The following MAST4 variants were observed in gnomAD, a reference collection of about 807,000 sequenced individuals.
MAST4 encodes microtubule-associated serine/threonine-protein kinase 4.
In MAST4, 89 loss-of-function variants were observed where a neutral mutation model predicts 162.7. The ratio of observed to expected loss-of-function variants is 0.55; its 90% CI spans 0.46 to 0.65. MAST4 has a LOEUF of 0.65. Ranked by LOEUF, MAST4 falls within the 30% of genes least tolerant of loss-of-function variation. MAST4 has a pLI of 0.00. For synonymous variants in MAST4, 1,479 were observed against 1,361.1 expected, an observed-to-expected ratio of 1.09 and a Z score of -1.91; for missense variants, 3,153 against 3,374.0, an observed-to-expected ratio of 0.93 and a Z score of 1.62.
intron 3 of MAST4, among the ~76,000 whole-genome samples, chr5:66,826,696 A>T (rs891266430): frequency 6.6e-6 from 1 of 151,964 alleles, no homozygotes; most frequent in African/African-American, 2.4e-5. Flanking sequence ...CACAATGAAG[A>T]TTGTAGTCCT....
Position 67,167,043 on chromosome 5 carries a change from G to A in MAST4, c.7864G>A (p.Ala2622Thr). 1.3e-6 allele frequency: 2 copies of A among 1,581,572 alleles called. No homozygotes were observed. The highest frequency in any genetic ancestry group is 1.8e-5 in the Admixed American group (1 of 56,514). The change falls in exon 29 of 29, where the codon GCC becomes ACC. Residue 2622 changes from alanine (A) to threonine (T), a missense_variant. By Grantham distance (58) the Ala-to-Thr change is moderately conservative. This residue lies in a region of MAST4 where 1,644 missense variants were observed against 1,495.0 expected (regional missense o/e 1.10). Coordinates refer to ENST00000403625, the MANE Select transcript of MAST4 (RefSeq NM_001164664.2). ...ESLRSSPHKK[A>T]L ...TTTGCGTAGCAGCCCTCACAAAAAG[G>A]CCTTGTAACGGGGAGGGCCCAGGGG...
chr5:66,789,388 C>T (rs1755277916), intron 3 of MAST4, among the ~76,000 whole-genome samples: 1 of 152,192 alleles, frequency 6.6e-6, no homozygotes, highest in Admixed American at 6.5e-5. Context: ...ATAGAATTTT[C>T]CCTCTCCAGT....
At position 67,166,094 on chromosome 5, in the gene MAST4, A is replaced by C. The variant is rs1352196836; in HGVS notation, c.6915A>C (p.Pro2305=). 1 of 1,612,706 alleles carries C rather than the reference A, an allele frequency of 6.2e-7. No homozygotes were observed. Among genetic ancestry groups the C allele is most frequent in the African/African-American group, 1.3e-5 (1 of 75,016 alleles). Residue 2305 remains proline, a synonymous_variant, in exon 29 of 29, where the codon CCA becomes CCC. Coordinates refer to ENST00000403625, the MANE Select transcript of MAST4 (RefSeq NM_001164664.2). ...TGCTGGAGAAGCCTGTGCATTTGCC[A>C]AGGCCGGGACACCCAGGGCCTAGTG... ...LEVLEKPVHL[P]RPGHPGPSEP...
intron 3 of MAST4, among the ~76,000 whole-genome samples, chr5:66,827,958 T>C (rs1419906631): frequency 2.0e-5 from 3 of 152,218 alleles, no homozygotes; most frequent in Admixed American, 2.0e-4. Context: ...AAGATGAGGA[T>C]GAACGGAGTA....
intron 1 of MAST4, among the ~76,000 whole-genome samples, chr5:66,675,611 C>G (rs917070993): frequency 6.6e-6 from 1 of 152,050 alleles, no homozygotes; most frequent in Non-Finnish European, 1.5e-5. Context: ...AGGGAGTGAT[C>G]CTGGGCTCCT....
At chr5:66,934,009 A>T (rs1435452991) in intron 4 of MAST4, among the ~76,000 whole-genome samples, 1 of 152,086 alleles carries the variant, frequency 6.6e-6, no homozygotes, top group East Asian at 1.9e-4. Flanking sequence ...TACTTTGTTT[A>T]TAAAGAAAAA....
intron 1 of MAST4, among the ~76,000 whole-genome samples, chr5:66,746,658 A>G (rs997630463): frequency 1.3e-5 from 2 of 152,170 alleles, no homozygotes; most frequent in African/African-American, 4.8e-5. Flanking sequence ...CTTGTTAAGC[A>G]TGGTCAGACT....
At chr5:66,612,683 A>T (rs989018838) in intron 1 of MAST4, among the ~76,000 whole-genome samples, 1 of 152,190 alleles carries the variant, frequency 6.6e-6, no homozygotes, top group African/African-American at 2.4e-5. Context: ...GAAAGTGCCT[A>T]CGGGGAGGGA....
chr5:67,135,766 C>T (rs951361889), intron 18 of MAST4, among the ~76,000 whole-genome samples: 3 of 152,188 alleles, frequency 2.0e-5, no homozygotes, highest in Admixed American at 1.3e-4. Context: ...TTCTTGATGC[C>T]TTACGGCTCA....
chr5:66,963,571 T>G (rs766505482), intron 4 of MAST4: 1 of 610,396 alleles, frequency 1.6e-6, no homozygotes, highest in Non-Finnish European at 3.0e-6. Context: ...GGCAAGTGAT[T>G]AGATGATTAC....
intron 1 of MAST4, among the ~76,000 whole-genome samples, chr5:66,727,269 A>AC (rs1751581735): frequency 6.6e-6 from 1 of 152,190 alleles, no homozygotes; most frequent in Non-Finnish European, 1.5e-5. Context: ...ACAATATTTT[A>AC]CCTTATGGTA....
intron 1 of MAST4, among the ~76,000 whole-genome samples, chr5:66,614,794 A>G (rs1743555919): frequency 1.3e-5 from 2 of 152,182 alleles, no homozygotes; most frequent in Admixed American, 1.3e-4. Context: ...ACCTCACGGG[A>G]CACATGCAGG....
Position 66,675,403 on chromosome 5 carries a change from G to T in MAST4, c.363+78385G>T, listed in dbSNP as rs187434132. ...GCCACTGGAAACCAGTGTGGTTAAT[G>T]ATGAGCCATTCATATCAGAGGAAAT... On this transcript the variant is annotated intron_variant, in intron 1 of 28. Transcript: ENST00000403625. Among the ~76,000 whole-genome samples, 3 of 152,270 alleles carry T rather than the reference G, an allele frequency of 2.0e-5. No individual in the cohort carries two copies. In the East Asian group the frequency reaches 5.8e-4, roughly 29 times the overall value.
intron 3 of MAST4, among the ~76,000 whole-genome samples, chr5:66,877,268 G>C (rs1276890889): frequency 6.6e-6 from 1 of 152,182 alleles, no homozygotes; most frequent in Non-Finnish European, 1.5e-5. Context: ...GGTAAGTACT[G>C]CTATGGGGAG....
At chr5:67,092,454 G>A (rs1763969870) in intron 6 of MAST4, among the ~76,000 whole-genome samples, 1 of 152,200 alleles carries the variant, frequency 6.6e-6, no homozygotes, top group South Asian at 2.1e-4. Context: ...AGATGAAAGT[G>A]AGAACCATAG....
chr5:66,836,955 T>C (rs1014400794), intron 3 of MAST4, among the ~76,000 whole-genome samples: 1 of 151,180 alleles, frequency 6.6e-6, no homozygotes, highest in East Asian at 1.9e-4. Context: ...AAAAAGCAAA[T>C]AAAATGTGCA....
At chr5:66,798,963 AC>A (rs1399790321) in intron 3 of MAST4, among the ~76,000 whole-genome samples, 1 of 152,118 alleles carries the variant, frequency 6.6e-6, no homozygotes, top group East Asian at 1.9e-4. Flanking sequence ...GATACTTTGT[AC>A]CCCCTTTTTA....
At chr5:66,645,059 A>G (rs1478834028) in intron 1 of MAST4, among the ~76,000 whole-genome samples, 1 of 151,986 alleles carries the variant, frequency 6.6e-6, no homozygotes, top group African/African-American at 2.4e-5. Flanking sequence ...TCAAACAGAA[A>G]GTGTTGAGCG....
At chr5:66,974,838 G>C (rs1296597095) in intron 4 of MAST4, among the ~76,000 whole-genome samples, 1 of 152,158 alleles carries the variant, frequency 6.6e-6, no homozygotes, top group Non-Finnish European at 1.5e-5. Context: ...CTTATTTTCA[G>C]AGAATTTCTA....
Sources: allele counts gnomAD v4.1 joint callset (sites outside exome capture counted in the v4.1 genomes callset), GRCh38; gene constraint gnomAD v4.1.1; regional missense constraint gnomAD v4.1.1; transcripts MANE v1.5; gene names NCBI Gene and HGNC (gene_info 2026-07-23, HGNC 2026-07-21).